Variants in DMWD observed in about 807,000 individuals in gnomAD.
DMWD encodes the protein DM1 locus, WD repeat containing.
In DMWD, 19 loss-of-function variants were observed where a neutral mutation model predicts 45.8. That is an observed-to-expected ratio of 0.41 (90% CI 0.29 to 0.61). DMWD has a LOEUF of 0.61. DMWD is among the 20% of genes least tolerant of loss of function. The pLI is 0.25. For missense variants in DMWD, 802 were observed against 965.2 expected, an observed-to-expected ratio of 0.83 and a Z score of 2.24; for synonymous variants, 515 against 440.5, an observed-to-expected ratio of 1.17 and a Z score of -2.12.
At chr19:45,787,395 T>C (rs1970295744) in intron 2 of DMWD, among the ~76,000 whole-genome samples, 1 of 152,020 alleles carries the variant, frequency 6.6e-6, no homozygotes, top group South Asian at 2.1e-4. Context: ...ATCTAACACC[T>C]GATGATCAGA....
chr19:45,786,138 T>C lies in DMWD; in HGVS notation c.1358A>G (p.His453Arg), dbSNP rs754573013. 1.3e-6 allele frequency: 2 copies of C among 1,528,468 alleles called. No homozygotes were observed. The highest frequency in any genetic ancestry group is 1.8e-6 in the Non-Finnish European group (2 of 1,136,848). The allele number at this position is 1,528,468 out of a possible 1,614,324, so 94.7% of individuals were successfully genotyped here. A position where few individuals can be genotyped will look rare whatever the true frequency, so the allele number is the denominator to read the frequency against. Residue 453 changes from histidine to arginine, a missense_variant, in exon 3 of 5, where the codon CAC becomes CGC. By Grantham distance (29) the His-to-Arg change is conservative. This residue lies in a region of DMWD where 303 missense variants were observed against 332.9 expected (regional missense o/e 0.91). Coordinates refer to ENST00000270223, the MANE Select transcript of DMWD (RefSeq NM_004943.2). ...GGTGCGGGTGCGGGCCAGGGGGGGGTGCGGGTAGAGCACGTCTTCAGTGAG... is the reference window on the plus strand; with the variant it reads ...GGTGCGGGTGCGGGCCAGGGGGGGGCGCGGGTAGAGCACGTCTTCAGTGAG... ...WDLTEDVLYP[H>R]PPLARTRTLP...
rs1397008243 is a variant in DMWD, at chr19:45,785,890, C to T, written c.1606G>A (p.Ala536Thr). ...LTLQERRDRG[A>T]EKEHKRYHSL... Reference sequence around the variant, plus strand: ...TGGTAGCGCTTGTGCTCCTTCTCTGCCCCCCGGTCCCGCCGCTCCTGCAGT... The same window carrying T: ...TGGTAGCGCTTGTGCTCCTTCTCTGTCCCCCGGTCCCGCCGCTCCTGCAGT... The change falls in exon 3 of 5, where the codon GCA (alanine) becomes ACA (threonine). Residue 536 changes from alanine to threonine, a missense_variant. Ala to Thr is a moderately conservative substitution (Grantham distance 58). Around this residue, in one of 9 missense-constraint regions of DMWD, gnomAD observed 303 missense variants for 332.9 expected, o/e 0.91. Coordinates refer to ENST00000270223, the MANE Select transcript of DMWD (RefSeq NM_004943.2). The T allele has an allele frequency of 1.2e-6, 2 of 1,603,968 alleles. No homozygotes were observed. Among genetic ancestry groups the T allele is most frequent in the Non-Finnish European group, 1.7e-6 (2 of 1,179,496 alleles).
chr19:45,784,667 T>C lies in DMWD; in HGVS notation c.1951A>G (p.Arg651Gly). 6.2e-7 allele frequency: 1 copy of C among 1,613,644 alleles called. No homozygotes were observed. The highest frequency in any genetic ancestry group is 1.1e-5 in the South Asian group (1 of 91,076). ...EAQTGEGSWP[R>G]SPSKSVVEGI... Reference sequence around the variant, plus strand: ...TCTACCACTGACTTGCTGGGTGACCTGGGCCAACTTCCTTCCCCTGTCTGG... The same window carrying C: ...TCTACCACTGACTTGCTGGGTGACCCGGGCCAACTTCCTTCCCCTGTCTGG... The change falls in exon 4 of 5, where the codon AGG becomes GGG. Residue 651 changes from arginine to glycine, a missense_variant. Physicochemically the swap from Arg to Gly is moderately radical, Grantham distance 125 (BLOSUM62 -2). Around this residue, in one of 9 missense-constraint regions of DMWD, gnomAD observed 303 missense variants for 332.9 expected, o/e 0.91. Coordinates refer to ENST00000270223, the MANE Select transcript of DMWD (RefSeq NM_004943.2).
Position 45,784,664 on chromosome 19 carries a change from A to T in DMWD, c.1954T>A (p.Ser652Thr). Residue 652 changes from serine (S) to threonine (T), a missense_variant, in exon 4 of 5, where the codon TCA (serine) becomes ACA (threonine). Ser to Thr is a moderately conservative substitution (Grantham distance 58). Around this residue, in one of 9 missense-constraint regions of DMWD, gnomAD observed 303 missense variants for 332.9 expected, o/e 0.91. Transcript: ENST00000270223. ...AQTGEGSWPR[S>T]PSKSVVEGIS... The stretch of plus-strand genomic sequence containing the variant: ...ACCTCTACCACTGACTTGCTGGGTG[A>T]CCTGGGCCAACTTCCTTCCCCTGTC... 1.9e-6 allele frequency: 3 copies of T among 1,613,598 alleles called. No homozygotes were observed. The highest frequency in any genetic ancestry group is 2.5e-6 in the Non-Finnish European group (3 of 1,179,656).
chr19:45,790,192 T>A (rs1220858426), intron 2 of DMWD: 1 of 150,470 alleles, frequency 6.6e-6, no homozygotes, highest in African/African-American at 2.5e-5. Context: ...GCACCTGTAG[T>A]CCCAGCTACT....
At position 45,784,214 on chromosome 19, in the gene DMWD, G is replaced by C; in HGVS notation, c.*29C>G. 1.3e-6 allele frequency: 2 copies of C among 1,564,504 alleles called. No homozygotes were observed. The highest frequency in any genetic ancestry group is 1.7e-6 in the Non-Finnish European group (2 of 1,155,858). ...GTTATGGCTAGGAGGCTGGGGGCATGGGGTTGGGGGGGCCCGATATCCATG... is the reference window on the plus strand; with the variant it reads ...GTTATGGCTAGGAGGCTGGGGGCATCGGGTTGGGGGGGCCCGATATCCATG... On this transcript the variant is annotated 3_prime_UTR_variant, in exon 5 of 5. Transcript: ENST00000270223.
chr19:45,787,942 T>C (rs528322340), intron 2 of DMWD, among the ~76,000 whole-genome samples: 1 of 152,254 alleles, frequency 6.6e-6, no homozygotes, highest in South Asian at 2.1e-4. Flanking sequence ...TAGCCAGGCA[T>C]GGTGGCGGGC....
intron 1 of DMWD, 96 bp downstream of exon 1, chr19:45,792,220 A>C: frequency 2.8e-6 from 4 of 1,446,492 alleles, no homozygotes; most frequent in Non-Finnish European, 2.7e-6. Flanking sequence ...TAGAATGCCT[A>C]TCTCAGGGCC....
Position 45,785,643 on chromosome 19 carries a change from G to A in DMWD, c.1853C>T (p.Thr618Ile). Residue 618 changes from threonine to isoleucine, a missense_variant, in exon 3 of 5, where the codon ACT (threonine) becomes ATT (isoleucine). Thr to Ile is a moderately conservative substitution (Grantham distance 89). Transcript: ENST00000270223. ...VLLFLEDCII[T>I]ACQEGLICTW... The stretch of plus-strand genomic sequence containing the variant: ...GCAGATGAGGCCCTCCTGGCAGGCA[G>A]TGATGATGCAGTCCTCCAGGAACAG... 1 of 1,548,772 alleles carries A rather than the reference G, an allele frequency of 6.5e-7. No individual in the cohort carries two copies. Among genetic ancestry groups the A allele is most frequent in the Non-Finnish European group, 8.8e-7 (1 of 1,142,012 alleles).
rs1970229518 is a variant in DMWD, at chr19:45,784,140, A to G, written c.*103T>C. On this transcript the variant is annotated 3_prime_UTR_variant, in exon 5 of 5. Transcript: ENST00000270223. ...GTGGGGGGACTGGAGCAGTCCATCC[A>G]TCATGGTTAGTCTTGTTAATACGTT... The G allele has an allele frequency of 4.6e-6, 5 of 1,081,156 alleles. No homozygotes were observed. In the Admixed American group the frequency reaches 5.4e-5, roughly 12 times the overall value. The allele number at this position is 1,081,156 out of a possible 1,614,324, so 67.0% of individuals were successfully genotyped here. A position where few individuals can be genotyped will look rare whatever the true frequency, so the allele number is the denominator to read the frequency against.
chr19:45,791,223 GC>G, intron 1 of DMWD, 136 bp from the exon 2 acceptor site: 2 of 856,064 alleles, frequency 2.3e-6, no homozygotes, highest in Non-Finnish European at 3.5e-6. Flanking sequence ...TAGGTGGATT[GC>G]GAAGGACGGG....
rs1190131492 is a variant in DMWD at position 45,792,318 on chromosome 19, G to T, written c.439C>A (p.Arg147=). ...GCCCCACGATGCAGGCCGCTCACCC[G>T]TTGGCTCCCACGACGACAGCAGCCT... is the stretch of plus-strand genomic sequence containing the variant. The part of the protein sequence containing the change: ...YPGCCRRGSQ[R]SIDLNKPIDK... The change falls in exon 1 of 5, where the codon CGG becomes AGG. Residue 147 remains arginine (R), a splice_region_variant and synonymous_variant. Coordinates refer to ENST00000270223, the MANE Select transcript of DMWD (RefSeq NM_004943.2). 1 of 1,606,524 alleles carries T rather than the reference G, an allele frequency of 6.2e-7. No homozygotes were observed. The highest frequency in any genetic ancestry group is 8.5e-7 in the Non-Finnish European group (1 of 1,176,248).
intron 2 of DMWD, among the ~76,000 whole-genome samples, chr19:45,787,568 G>T (rs1970298595): frequency 6.6e-6 from 1 of 152,176 alleles, no homozygotes; most frequent in Non-Finnish European, 1.5e-5. Flanking sequence ...TTTCTTCACG[G>T]AAAGGCAGCT....
intron 3 of DMWD, 100 bp downstream of exon 3, chr19:45,785,494 A>T: frequency 1.4e-6 from 2 of 1,411,732 alleles, no homozygotes; most frequent in Non-Finnish European, 1.8e-6. Flanking sequence ...CCACGGAGCC[A>T]GAGGCTGTGA....
At position 45,783,970 on chromosome 19, in the gene DMWD, T is replaced by C. The variant is rs757674180; in HGVS notation, c.*273A>G. 1.7e-6 allele frequency: 1 copy of C among 604,246 alleles called. No homozygotes were observed. The highest frequency in any genetic ancestry group is 2.0e-5 in the South Asian group (1 of 51,070). The allele number at this position is 604,246 out of a possible 1,614,324, so 37.4% of individuals were successfully genotyped here. ...TCCCCAGGAGTGACCAGTCACATGCTGGGGACAGGGATGAGGGTAACACTG... is the reference window on the plus strand; with the variant it reads ...TCCCCAGGAGTGACCAGTCACATGCCGGGGACAGGGATGAGGGTAACACTG... On this transcript the variant is annotated 3_prime_UTR_variant, in exon 5 of 5. Transcript: ENST00000270223.
At chr19:45,791,192 A>C in intron 1 of DMWD, 105 bp from the exon 2 acceptor site, 1 of 1,228,754 alleles carries the variant, frequency 8.1e-7, no homozygotes, top group East Asian at 2.4e-5. Flanking sequence ...GTTAGAACCC[A>C]GAGGGAAGTG....
intron 2 of DMWD, among the ~76,000 whole-genome samples, chr19:45,788,911 AGAGT>A (rs934372153): frequency 2.0e-5 from 3 of 151,152 alleles, no homozygotes; most frequent in Non-Finnish European, 1.5e-5. Context: ...CATGGACGAC[AGAGT>A]GAGACCCTAT....
At position 45,784,528 on chromosome 19, in the gene DMWD, G is replaced by A; in HGVS notation, c.1977+113C>T. 2.0e-6 allele frequency: 3 copies of A among 1,494,414 alleles called. No homozygotes were observed. In the South Asian group the frequency reaches 3.6e-5, roughly 18 times the overall value. The allele number at this position is 1,494,414 out of a possible 1,614,324, so 92.6% of individuals were successfully genotyped here. On this transcript the variant is annotated intron_variant, in intron 4 of 4. Coordinates refer to ENST00000270223, the MANE Select transcript of DMWD (RefSeq NM_004943.2). ...ATAATCAAAGTCCTTGGCGGATCCTGAGTGAGACCATGGGGTAAGGGTAAG... is the reference window on the plus strand; with the variant it reads ...ATAATCAAAGTCCTTGGCGGATCCTAAGTGAGACCATGGGGTAAGGGTAAG...
chr19:45,787,948 C>T (rs547484110), intron 2 of DMWD, among the ~76,000 whole-genome samples: 4 of 152,248 alleles, frequency 2.6e-5, no homozygotes, highest in South Asian at 2.1e-4. Context: ...GGCATGGTGG[C>T]GGGCGCCTAT....
Sources: allele counts gnomAD v4.1 joint callset (sites outside exome capture counted in the v4.1 genomes callset), GRCh38; gene constraint gnomAD v4.1.1; regional missense constraint gnomAD v4.1.1; transcripts MANE v1.5; gene names NCBI Gene and HGNC (gene_info 2026-07-23, HGNC 2026-07-21).